PALS1: variants seen among roughly 807,000 people sequenced by gnomAD.
The protein encoded by PALS1 is protein associated with LIN7 1, MAGUK p55 family member.
In PALS1, 31 loss-of-function variants were observed where a neutral mutation model predicts 78.9. That is an observed-to-expected ratio of 0.39 (90% CI 0.30 to 0.53). The LOEUF is 0.53. PALS1 is among the 20% of genes least tolerant of loss of function. PALS1 has a pLI of 0.67. For synonymous variants in PALS1, 276 were observed against 270.9 expected (o/e 1.02, Z -0.18); for missense variants, 704 against 826.5 (o/e 0.85, Z 1.82).
intron 1 of PALS1, among the ~76,000 whole-genome samples, chr14:67,259,927 C>T (rs988663003): frequency 6.7e-6 from 1 of 150,126 alleles, no homozygotes; most frequent in African/African-American, 2.4e-5. Context: ...ATGTATTTGT[C>T]TTAAGTTTCT....
At position 67,242,627 on chromosome 14, in the gene PALS1, AT is replaced by A. The variant is rs532923506; in HGVS notation, c.-237+1106del. Among the ~76,000 whole-genome samples, 1,021 of 146,254 alleles carry A rather than the reference AT, an allele frequency of 7.0e-3. 9 individuals are homozygous for A. The highest frequency in any genetic ancestry group is 8.2e-3 in the Non-Finnish European group (542 of 66,042). Reference sequence around the variant, plus strand: ...AAGCTTCCTTGAATTAAGAACTACGATTTTTTTTTTTTACTAGATCCCTGTG... The same window carrying A: ...AAGCTTCCTTGAATTAAGAACTACGATTTTTTTTTTTACTAGATCCCTGTG... On this transcript the variant is annotated intron_variant, in intron 1 of 14. Transcript: ENST00000261681.
Position 67,255,853 on chromosome 14 carries a change from A to C in PALS1, c.-236-13848A>C, listed in dbSNP as rs745774446. 2.0e-5 allele frequency among the ~76,000 whole-genome samples: 3 copies of C among 152,138 alleles called. No homozygotes were observed. In the East Asian group the frequency reaches 5.8e-4, roughly 29 times the overall value. Reference sequence around the variant, plus strand: ...CAGGCACCTGCCACTATGCCTGGCTAATTTTGTATTTTTAGTAGAGACGGG... The same window carrying C: ...CAGGCACCTGCCACTATGCCTGGCTCATTTTGTATTTTTAGTAGAGACGGG... On this transcript the variant is annotated intron_variant, in intron 1 of 14. Coordinates refer to ENST00000261681, the MANE Select transcript of PALS1 (RefSeq NM_022474.4).
chr14:67,331,643 A>G (rs1194373320), intron 14 of PALS1, among the ~76,000 whole-genome samples: 2 of 152,200 alleles, frequency 1.3e-5, no homozygotes, highest in Admixed American at 6.5e-5. Context: ...AACTTCAGAC[A>G]TGAAGTACTA....
chr14:67,290,218 A>G (rs987053499), intron 3 of PALS1, among the ~76,000 whole-genome samples: 5 of 152,186 alleles, frequency 3.3e-5, no homozygotes, highest in African/African-American at 1.2e-4. Context: ...AATGGGAGGT[A>G]ACGAAAAAAG....
At chr14:67,325,559 A>G (rs953650331) in intron 14 of PALS1, among the ~76,000 whole-genome samples, 4 of 151,018 alleles carry the variant, frequency 2.6e-5, no homozygotes, top group East Asian at 1.9e-4. Flanking sequence ...CAATATAACA[A>G]GAGAAACGAG....
chr14:67,316,513 T>C (rs1249733313), intron 9 of PALS1, among the ~76,000 whole-genome samples: 1 of 152,194 alleles, frequency 6.6e-6, no homozygotes, highest in Admixed American at 6.5e-5. Context: ...CTAGAACCAT[T>C]GTAAGATCCA....
chr14:67,318,745 TAC>T (rs1487989467), intron 11 of PALS1, among the ~76,000 whole-genome samples: 1 of 152,162 alleles, frequency 6.6e-6, no homozygotes, highest in African/African-American at 2.4e-5. Flanking sequence ...TCCTTGAGGT[TAC>T]AGAGTAATAG....
At chr14:67,305,108 T>C (rs2084981914) in intron 8 of PALS1, among the ~76,000 whole-genome samples, 1 of 152,178 alleles carries the variant, frequency 6.6e-6, no homozygotes, top group African/African-American at 2.4e-5. Flanking sequence ...CTCTGTGCAT[T>C]GTGCTGTTCC....
At chr14:67,252,601 T>C (rs538464361) in intron 1 of PALS1, among the ~76,000 whole-genome samples, 45 of 152,304 alleles carry the variant, frequency 3.0e-4, no homozygotes, top group Middle Eastern at 3.4e-3. Context: ...TTGTGGGATC[T>C]GATTGTAACT....
intron 2 of PALS1, among the ~76,000 whole-genome samples, chr14:67,275,172 G>A (rs1173379470): frequency 1.3e-5 from 2 of 152,214 alleles, no homozygotes; most frequent in Non-Finnish European, 2.9e-5. Context: ...TAGGAGTGGT[G>A]AGAGAGGGCA....
At chr14:67,244,187 A>T (rs139976916) in intron 1 of PALS1, among the ~76,000 whole-genome samples, 159 of 152,300 alleles carry the variant, frequency 1.0e-3, no homozygotes, top group African/African-American at 3.6e-3. Context: ...TAATATTTCA[A>T]ACAATGTTTA....
chr14:67,248,365 AG>A (rs1567498116), intron 1 of PALS1, among the ~76,000 whole-genome samples: 1 of 152,102 alleles, frequency 6.6e-6, no homozygotes, highest in Non-Finnish European at 1.5e-5. Flanking sequence ...TAAAAAAAAA[AG>A]GAAACCAAAT....
At chr14:67,283,163 A>G (rs574127502) in intron 3 of PALS1, among the ~76,000 whole-genome samples, 1 of 152,286 alleles carries the variant, frequency 6.6e-6, no homozygotes, top group East Asian at 1.9e-4. Context: ...GTGAAGAAGG[A>G]AAAACACACC....
intron 8 of PALS1, among the ~76,000 whole-genome samples, chr14:67,305,500 C>T (rs548646200): frequency 5.3e-5 from 8 of 152,268 alleles, no homozygotes; most frequent in African/African-American, 1.7e-4. Context: ...AGGCTAGTCT[C>T]GAACTCCTGA....
chr14:67,250,727 G>A (rs1348270836), intron 1 of PALS1, among the ~76,000 whole-genome samples: 5 of 152,110 alleles, frequency 3.3e-5, no homozygotes, highest in African/African-American at 1.2e-4. Flanking sequence ...ATTTGCATAA[G>A]GGTAATCAGT....
intron 1 of PALS1, among the ~76,000 whole-genome samples, chr14:67,266,642 T>C (rs2084330208): frequency 6.6e-6 from 1 of 152,142 alleles, no homozygotes; most frequent in East Asian, 1.9e-4. Flanking sequence ...TTTCAGTTTT[T>C]ACTTGTATTT....
chr14:67,322,892 T>G (rs2085281786), intron 13 of PALS1, among the ~76,000 whole-genome samples: 1 of 152,190 alleles, frequency 6.6e-6, no homozygotes. Flanking sequence ...AAGTGAAAAC[T>G]GCAATCTCCA....
chr14:67,325,803 T>C (rs1005723231), intron 14 of PALS1, among the ~76,000 whole-genome samples: 5 of 148,644 alleles, frequency 3.4e-5, no homozygotes, highest in African/African-American at 1.3e-4. Flanking sequence ...ATGTTAAACA[T>C]GTTAAGCATC....
chr14:67,286,721 G>A (rs571970202), intron 3 of PALS1, among the ~76,000 whole-genome samples: 120 of 151,704 alleles, frequency 7.9e-4, no homozygotes, highest in Non-Finnish European at 1.3e-3. Context: ...AGCCAGGTGT[G>A]GTGGAATGCG....
Sources: gnomAD v4.1 joint callset for allele counts (sites outside exome capture counted in the v4.1 genomes callset) on GRCh38, gnomAD v4.1.1 for gene constraint, MANE v1.5 for transcripts, NCBI Gene and HGNC (gene_info 2026-07-23, HGNC 2026-07-21) for gene names.